Variants in PTPN4 observed in about 807,000 individuals in gnomAD.
PTPN4 encodes tyrosine-protein phosphatase non-receptor type 4.
Under a neutral mutation model 135.5 loss-of-function variants are expected in PTPN4, and 49 were observed. The observed-to-expected ratio is 0.36, with a 90% CI of 0.29 to 0.46. The LOEUF (loss-of-function observed/expected upper bound fraction) is 0.46. Ranked by LOEUF, PTPN4 falls within the 20% of genes least tolerant of loss-of-function variation. The pLI is 1.00. For missense variants in PTPN4, 860 were observed against 1,101.0 expected (o/e 0.78, Z 3.10); for synonymous variants, 333 against 369.9 (o/e 0.90, Z 1.14).
intron 2 of PTPN4, among the ~76,000 whole-genome samples, chr2:119,841,616 A>G (rs546962448): frequency 5.3e-5 from 8 of 152,294 alleles, no homozygotes; most frequent in Middle Eastern, 3.4e-3. Flanking sequence ...AAAAGGATTT[A>G]CATTTTTAAT....
At chr2:119,828,001 G>A (rs1677169597) in intron 2 of PTPN4, among the ~76,000 whole-genome samples, 1 of 152,160 alleles carries the variant, frequency 6.6e-6, no homozygotes, top group Non-Finnish European at 1.5e-5. Context: ...TTTTAACCCT[G>A]ACAGTAAAGT....
At chr2:119,920,305 A>T in intron 12 of PTPN4, 64 bp downstream of exon 12, 1 of 1,473,470 alleles carries the variant, frequency 6.8e-7, no homozygotes, top group Non-Finnish European at 9.2e-7. Flanking sequence ...TAAAATAAAG[A>T]TGTAGTTTAT....
At chr2:119,786,540 C>G (rs1279943316) in intron 1 of PTPN4, among the ~76,000 whole-genome samples, 3 of 152,166 alleles carry the variant, frequency 2.0e-5, no homozygotes, top group Admixed American at 2.0e-4. Flanking sequence ...AGCAGAGATT[C>G]TGTCAGTGCT....
chr2:119,835,019 G>T (rs1305572755), intron 2 of PTPN4, among the ~76,000 whole-genome samples: 1 of 152,092 alleles, frequency 6.6e-6, no homozygotes, highest in Non-Finnish European at 1.5e-5. Context: ...CAACGATAGC[G>T]TCCATACTTT....
chr2:119,965,157 A>G (rs1439133257), intron 24 of PTPN4, among the ~76,000 whole-genome samples: 2 of 152,314 alleles, frequency 1.3e-5, no homozygotes, highest in African/African-American at 4.8e-5. Flanking sequence ...GGTCCTTTAG[A>G]CCAACTGAGT....
intron 2 of PTPN4, among the ~76,000 whole-genome samples, chr2:119,858,156 G>C (rs577059115): frequency 4.6e-5 from 7 of 152,152 alleles, no homozygotes; most frequent in Non-Finnish European, 1.0e-4. Context: ...GTGTATACAG[G>C]CTGCAGAACC....
intron 2 of PTPN4, among the ~76,000 whole-genome samples, chr2:119,819,301 A>C (rs1481325521): frequency 7.2e-5 from 11 of 152,102 alleles, no homozygotes; most frequent in Non-Finnish European, 5.9e-5. Flanking sequence ...TACATGTTTT[A>C]TTTGGTCTAT....
intron 26 of PTPN4, among the ~76,000 whole-genome samples, chr2:119,974,940 A>G (rs1261624834): frequency 6.6e-6 from 1 of 152,228 alleles, no homozygotes; most frequent in Non-Finnish European, 1.5e-5. Flanking sequence ...TGAAAGACTT[A>G]GAATATCACA....
chr2:119,950,113 C>T (rs1679190662), intron 18 of PTPN4, among the ~76,000 whole-genome samples: 1 of 152,142 alleles, frequency 6.6e-6, no homozygotes, highest in East Asian at 1.9e-4. Flanking sequence ...CATAGACCAC[C>T]TCTTTTTTTC....
At chr2:119,770,497 T>A (rs1690713751) in intron 1 of PTPN4, among the ~76,000 whole-genome samples, 1 of 152,214 alleles carries the variant, frequency 6.6e-6, no homozygotes, top group African/African-American at 2.4e-5. Flanking sequence ...CTACTTTTAT[T>A]TTTTGTATAT....
intron 2 of PTPN4, among the ~76,000 whole-genome samples, chr2:119,858,812 T>C (rs1574373916): frequency 6.6e-6 from 1 of 152,218 alleles, no homozygotes; most frequent in East Asian, 1.9e-4. Context: ...TTTTATATTT[T>C]TTTAGTAGAG....
At chr2:119,946,678 T>C in intron 18 of PTPN4, 104 bp downstream of exon 18, 1 of 969,770 alleles carries the variant, frequency 1.0e-6, no homozygotes, top group Non-Finnish European at 1.5e-6. Context: ...TCATTTCTTT[T>C]ATTTATCAAG....
At chr2:119,782,600 TAGAC>T (rs1014139181) in intron 1 of PTPN4, among the ~76,000 whole-genome samples, 7 of 151,618 alleles carry the variant, frequency 4.6e-5, no homozygotes, top group South Asian at 2.1e-4. Context: ...AGGTAATAGA[TAGAC>T]AGTAACAGAT....
chr2:119,966,330 C>G (rs1196291480), intron 25 of PTPN4, among the ~76,000 whole-genome samples: 1 of 152,166 alleles, frequency 6.6e-6, no homozygotes, highest in African/African-American at 2.4e-5. Context: ...ATGATCACAG[C>G]TCACTGTAAC....
intron 2 of PTPN4, among the ~76,000 whole-genome samples, chr2:119,813,156 G>A (rs543235909): frequency 3.9e-5 from 6 of 152,220 alleles, no homozygotes; most frequent in African/African-American, 1.4e-4. Flanking sequence ...CACTCACATG[G>A]CTGTTACCTG....
At chr2:119,947,849 A>G (rs1241299120) in intron 18 of PTPN4, among the ~76,000 whole-genome samples, 2 of 151,876 alleles carry the variant, frequency 1.3e-5, no homozygotes, top group East Asian at 1.9e-4. Flanking sequence ...ACCTACTGCT[A>G]TTGTGATCCT....
chr2:119,890,719 A>C (rs1193446323), intron 9 of PTPN4, among the ~76,000 whole-genome samples: 2 of 152,040 alleles, frequency 1.3e-5, no homozygotes, highest in East Asian at 3.8e-4. Flanking sequence ...ATGATGGTAA[A>C]TGTCATCATT....
At chr2:119,968,059 T>A (rs1679470906) in intron 26 of PTPN4, 87 bp downstream of exon 26, 2 of 1,112,632 alleles carry the variant, frequency 1.8e-6, no homozygotes, top group African/African-American at 3.2e-5. Context: ...ATTTTTATCC[T>A]TTTTTATCTT....
chr2:119,791,543 G>A (rs1487718763), intron 1 of PTPN4, among the ~76,000 whole-genome samples: 1 of 152,062 alleles, frequency 6.6e-6, no homozygotes, highest in Non-Finnish European at 1.5e-5. Flanking sequence ...ATTTTCTAAA[G>A]CTTTGTTTTG....
Sources: gnomAD v4.1 joint callset for allele counts (sites outside exome capture counted in the v4.1 genomes callset) on GRCh38, gnomAD v4.1.1 for gene constraint, MANE v1.5 for transcripts, NCBI Gene and HGNC (gene_info 2026-07-23, HGNC 2026-07-21) for gene names.